CFAP47: variants seen among roughly 807,000 people sequenced by gnomAD.
CFAP47 encodes the protein cilia and flagella associated protein 47, also known as cilia- and flagella-associated protein 47.
A neutral mutation model predicts 148.1 loss-of-function variants in CFAP47; 29 were observed. The ratio of observed to expected loss-of-function variants is 0.20; its 90% CI spans 0.15 to 0.27. The LOEUF is 0.27. Among genes scored for constraint, CFAP47 ranks in the 10% least tolerant of loss-of-function variants. The probability of loss-of-function intolerance (pLI) is 1.00; values close to 1 mark genes in which losing one functional copy is unlikely to be tolerated. For missense variants in CFAP47, 1,872 were observed against 1,697.5 expected (o/e 1.10, Z -1.81); for synonymous variants, 664 against 577.3 (o/e 1.15, Z -2.15).
intron 8 of CFAP47, among the ~76,000 whole-genome samples, chrX:35,958,033 A>T (rs1936271752): frequency 9.0e-6 from 1 of 111,476 alleles, no homozygotes; most frequent in Non-Finnish European, 1.9e-5. Context: ...ATTAACAGTC[A>T]TTCCCCTTCT....
intron 57 of CFAP47, among the ~76,000 whole-genome samples, chrX:36,332,345 A>G (rs782082517): frequency 7.2e-4 from 80 of 111,342 alleles, no homozygotes; most frequent in South Asian, 5.3e-3. Flanking sequence ...ATTTAAGTCT[A>G]AATGTAATAT....
rs1366098253 is a variant in CFAP47 at position 35,986,641 on chromosome X, G to A, written c.2714-2678G>A. Among the ~76,000 whole-genome samples the A allele has an allele frequency of 2.7e-5, 3 of 110,333 alleles. No individual in the cohort carries two copies. In the East Asian group the frequency reaches 8.7e-4, roughly 32 times the overall value. On this transcript the variant is annotated intron_variant, in intron 15 of 63. Coordinates refer to ENST00000378653, the MANE Select transcript of CFAP47 (RefSeq NM_001304548.2). ...TCAAACTCATTCTCCATCCAGTTTT[G>A]TTCCCTTGCTGGCGAGGAGTTGTGA...
At position 36,097,607 on chromosome X, in the gene CFAP47, C is replaced by A. The variant is rs567131142; in HGVS notation, c.4917-1186C>A. On this transcript the variant is annotated intron_variant, in intron 30 of 63. Coordinates refer to ENST00000378653, the MANE Select transcript of CFAP47 (RefSeq NM_001304548.2). Reference sequence around the variant, plus strand: ...GCCTGTAATGTTTCCACTAAAAAGTCTACTGTCAGACATATCAGAGGTTCA... The same window carrying A: ...GCCTGTAATGTTTCCACTAAAAAGTATACTGTCAGACATATCAGAGGTTCA... 9.0e-5 allele frequency among the ~76,000 whole-genome samples: 10 copies of A among 111,005 alleles called. No individual in the cohort carries two copies. In the South Asian group the frequency reaches 3.8e-3, roughly 42 times the overall value.
chrX:36,183,325 T>A (rs964288025), intron 40 of CFAP47, among the ~76,000 whole-genome samples: 1 of 110,543 alleles, frequency 9.0e-6, no homozygotes, highest in African/African-American at 3.3e-5. Context: ...TTTCAAAAAA[T>A]AAAAATAAAG....
At chrX:36,269,172 A>G (rs1940929982) in intron 49 of CFAP47, among the ~76,000 whole-genome samples, 1 of 112,271 alleles carries the variant, frequency 8.9e-6, no homozygotes, top group Non-Finnish European at 1.9e-5. Flanking sequence ...TTTATAGCTA[A>G]TGTAAAAATA....
At chrX:36,351,992 G>A (rs17320003) in intron 59 of CFAP47, among the ~76,000 whole-genome samples, 11,740 of 110,521 alleles carry the variant, frequency 0.11, 513 homozygotes, top group East Asian at 0.26. Flanking sequence ...TCTGTCACTC[G>A]AGTTATTCTC....
chrX:36,104,474 TA>T, intron 32 of CFAP47, 24 bp from the exon 33 acceptor site: 1 of 596,220 alleles, frequency 1.7e-6, no homozygotes. Flanking sequence ...TTGCATCTAA[TA>T]AAAGTTATCT....
At chrX:36,175,403 C>T (rs1188519286) in intron 39 of CFAP47, among the ~76,000 whole-genome samples, 12 of 111,867 alleles carry the variant, frequency 1.1e-4, no homozygotes, top group African/African-American at 1.3e-4. Context: ...AGTTTTTCTG[C>T]TCTGTTTTTT....
rs916538426 is a variant in CFAP47, at chrX:36,138,481, T to G, written c.5535+17T>G. 17 of 1,127,478 alleles carry G rather than the reference T, an allele frequency of 1.5e-5. No homozygotes were observed. The highest frequency in any genetic ancestry group is 1.9e-5 in the Non-Finnish European group (16 of 860,070). 92.9% of individuals were successfully genotyped at this position (1,127,478 alleles called of 1,213,427 possible). ...GAAATACAGGTGGGTGCCTTTATAT[T>G]AAACATTCTACAAACATTTTATAAA... On this transcript the variant is annotated intron_variant, in intron 35 of 63. Coordinates refer to ENST00000378653, the MANE Select transcript of CFAP47 (RefSeq NM_001304548.2).
intron 50 of CFAP47, among the ~76,000 whole-genome samples, chrX:36,283,814 T>C (rs1324187014): frequency 8.9e-6 from 1 of 111,832 alleles, no homozygotes; most frequent in African/African-American, 3.2e-5. Flanking sequence ...ATGGGCAGAC[T>C]CTTGAGATTC....
At chrX:35,931,729 A>T (rs1372673583) in intron 2 of CFAP47, among the ~76,000 whole-genome samples, 1 of 111,558 alleles carries the variant, frequency 9.0e-6, no homozygotes, top group African/African-American at 3.3e-5. Flanking sequence ...ATACTTCAAT[A>T]TGCATACATG....
rs747663822 is a variant in CFAP47, at chrX:36,071,970, T to G, written c.4464T>G (p.Ile1488Met). 9 of 1,198,690 alleles carry G rather than the reference T, an allele frequency of 7.5e-6. No individual in the cohort carries two copies. In the Admixed American group the frequency reaches 2.0e-4, roughly 27 times the overall value. The change falls in exon 28 of 64, where the codon ATT becomes ATG. Residue 1488 changes from isoleucine (I) to methionine (M), a missense_variant and splice_region_variant. Ile to Met is a conservative substitution (Grantham distance 10). Transcript: ENST00000378653. Reference sequence around the variant, plus strand: ...AACCTGCAAAGGGAAACTTATTTATTGGTATGTAGCAAATATATAGTGTAC... The same window carrying G: ...AACCTGCAAAGGGAAACTTATTTATGGGTATGTAGCAAATATATAGTGTAC... ...DAEPAKGNLFIGVEVLPENLH... is the reference protein window; with the variant it reads ...DAEPAKGNLFMGVEVLPENLH...
At chrX:35,931,811 CT>C (rs1041595346) in intron 2 of CFAP47, among the ~76,000 whole-genome samples, 27 of 111,179 alleles carry the variant, frequency 2.4e-4, no homozygotes, top group Non-Finnish European at 5.1e-4. Flanking sequence ...CCATTTGAGT[CT>C]TTTTTTCTTT....
intron 21 of CFAP47, among the ~76,000 whole-genome samples, chrX:36,010,219 G>A (rs1017276192): frequency 1.8e-5 from 2 of 111,036 alleles, no homozygotes; most frequent in Non-Finnish European, 3.8e-5. Context: ...TATTACTTCC[G>A]TAGCATTTTC....
At chrX:36,150,056 C>T (rs1939289759) in intron 37 of CFAP47, among the ~76,000 whole-genome samples, 1 of 111,265 alleles carries the variant, frequency 9.0e-6, no homozygotes, top group Non-Finnish European at 1.9e-5. Flanking sequence ...CCATTTTTCT[C>T]TGTGCCCTCA....
At position 36,049,769 on chromosome X, in the gene CFAP47, C is replaced by T. The variant is rs143419359; in HGVS notation, c.4217+2706C>T. On this transcript the variant is annotated intron_variant, in intron 26 of 63. Transcript: ENST00000378653. ...ATGGACCCGCACATTTGTTATTGGCCGGTGTTCAGAAGTGTTAGTGTCTCA... is the reference window on the plus strand; with the variant it reads ...ATGGACCCGCACATTTGTTATTGGCTGGTGTTCAGAAGTGTTAGTGTCTCA... Among the ~76,000 whole-genome samples, 857 of 111,630 alleles carry T rather than the reference C, an allele frequency of 7.7e-3. 3 individuals are homozygous for T. The highest frequency in any genetic ancestry group is 0.012 in the Non-Finnish European group (640 of 53,118).
intron 49 of CFAP47, among the ~76,000 whole-genome samples, chrX:36,266,601 G>A (rs190090816): frequency 4.6e-5 from 5 of 109,575 alleles, no homozygotes; most frequent in African/African-American, 1.7e-4. Flanking sequence ...GTCAGCAAAA[G>A]TGCTCCAGTG....
At chrX:36,109,573 T>G (rs1177684357) in intron 33 of CFAP47, among the ~76,000 whole-genome samples, 3 of 111,276 alleles carry the variant, frequency 2.7e-5, no homozygotes, top group African/African-American at 9.8e-5. Context: ...CCTCCCGGGT[T>G]CAAGCGATTC....
intron 45 of CFAP47, among the ~76,000 whole-genome samples, chrX:36,224,419 A>T (rs1555991221): frequency 9.0e-6 from 1 of 111,473 alleles, no homozygotes. Flanking sequence ...CAGTTAGGGA[A>T]TTGTAGATTA....
Sources: allele counts gnomAD v4.1 joint callset (sites outside exome capture counted in the v4.1 genomes callset), GRCh38; gene constraint gnomAD v4.1.1; transcripts MANE v1.5; gene names NCBI Gene and HGNC (gene_info 2026-07-23, HGNC 2026-07-21).